The following PRKG1 variants were observed in gnomAD, a reference collection of about 807,000 sequenced individuals.
The protein encoded by PRKG1 is cGMP-dependent protein kinase 1.
In PRKG1, 35 loss-of-function variants were observed where a neutral mutation model predicts 88.1. The observed-to-expected ratio is 0.40, with a 90% CI of 0.30 to 0.53. The LOEUF (loss-of-function observed/expected upper bound fraction) is 0.53. Ranked by LOEUF, PRKG1 falls within the 20% of genes least tolerant of loss-of-function variation. The probability of loss-of-function intolerance (pLI) is 0.59; values close to 1 mark genes in which losing one functional copy is unlikely to be tolerated. For missense variants in PRKG1, 540 were observed against 839.8 expected (o/e 0.64, Z 4.41); for synonymous variants, 303 against 292.5 (o/e 1.04, Z -0.37).
At chr10:51,046,547 C>A (rs938187183) in intron 1 of PRKG1, among the ~76,000 whole-genome samples, 6 of 152,158 alleles carry the variant, frequency 3.9e-5, no homozygotes, top group African/African-American at 7.2e-5. Context: ...AACGATTTTT[C>A]CTTTGGCATT....
rs115242289 is a variant in PRKG1 at position 51,469,912 on chromosome 10, C to T, written c.592+2076C>T. The stretch of plus-strand genomic sequence containing the variant: ...GCATGAATCAGAAACAATATCTGTG[C>T]GCAACTGTTTCTTCCAAATGTTTCA... On this transcript the variant is annotated intron_variant, in intron 3 of 17. Coordinates refer to ENST00000373980, the MANE Select transcript of PRKG1 (RefSeq NM_006258.4). 5.2e-3 allele frequency among the ~76,000 whole-genome samples: 792 copies of T among 151,966 alleles called. 3 individuals carry two copies. The highest frequency in any genetic ancestry group is 0.017 in the African/African-American group (723 of 41,518).
At chr10:51,793,621 A>G (rs1246996381) in intron 3 of PRKG1, among the ~76,000 whole-genome samples, 1 of 152,150 alleles carries the variant, frequency 6.6e-6, no homozygotes, top group East Asian at 1.9e-4. Flanking sequence ...AAAGACAAAG[A>G]GAGGAAAGCA....
At chr10:52,291,082 C>T (rs1180568374) in intron 17 of PRKG1, among the ~76,000 whole-genome samples, 1 of 151,340 alleles carries the variant, frequency 6.6e-6, no homozygotes, top group Non-Finnish European at 1.5e-5. Flanking sequence ...GCCACCACTC[C>T]CAGCTAATTT....
intron 3 of PRKG1, among the ~76,000 whole-genome samples, chr10:51,735,854 CATAT>C (rs146700314): frequency 1.2e-3 from 137 of 114,190 alleles, no homozygotes; most frequent in Non-Finnish European, 1.6e-3. Flanking sequence ...GGCCTGACTG[CATAT>C]ATATATATAT....
chr10:51,478,688 A>G (rs1057238359), intron 3 of PRKG1, among the ~76,000 whole-genome samples: 1 of 151,920 alleles, frequency 6.6e-6, no homozygotes, highest in Non-Finnish European at 1.5e-5. Flanking sequence ...TCTGACACAC[A>G]ACCAATAAAA....
intron 2 of PRKG1, among the ~76,000 whole-genome samples, chr10:51,281,604 C>G (rs1379083062): frequency 6.6e-6 from 1 of 152,190 alleles, no homozygotes; most frequent in African/African-American, 2.4e-5. Context: ...GCCTGCCTTC[C>G]TCTGTAGACT....
At chr10:51,790,666 A>C (rs1160393466) in intron 3 of PRKG1, among the ~76,000 whole-genome samples, 1 of 152,184 alleles carries the variant, frequency 6.6e-6, no homozygotes, top group African/African-American at 2.4e-5. Flanking sequence ...TATTAAAGTC[A>C]ACACGTGGTA....
intron 3 of PRKG1, among the ~76,000 whole-genome samples, chr10:51,637,600 G>T (rs1380812276): frequency 6.6e-6 from 1 of 152,186 alleles, no homozygotes; most frequent in Non-Finnish European, 1.5e-5. Flanking sequence ...TAAAAGGAAC[G>T]AGATTATGTC....
chr10:51,238,231 G>A (rs1472519705), intron 2 of PRKG1, among the ~76,000 whole-genome samples: 2 of 152,082 alleles, frequency 1.3e-5, no homozygotes, highest in East Asian at 3.9e-4. Flanking sequence ...ATGTTGGTGG[G>A]CATCGAACTT....
intron 1 of PRKG1, among the ~76,000 whole-genome samples, chr10:51,101,930 C>T (rs1159341618): frequency 2.6e-5 from 4 of 152,210 alleles, no homozygotes; most frequent in African/African-American, 9.6e-5. Flanking sequence ...CTCAGATCCC[C>T]TCCCTGGCTT....
chr10:51,808,573 A>C (rs917883043), intron 4 of PRKG1, among the ~76,000 whole-genome samples: 4 of 152,168 alleles, frequency 2.6e-5, no homozygotes, highest in African/African-American at 9.7e-5. Context: ...ACTGCCCTCC[A>C]GTCTGGGCAA....
intron 8 of PRKG1, among the ~76,000 whole-genome samples, chr10:52,160,526 T>C (rs900775935): frequency 1.3e-5 from 2 of 151,970 alleles, no homozygotes; most frequent in African/African-American, 4.8e-5. Context: ...AGCATTCTGG[T>C]TACCATGCAC....
intron 3 of PRKG1, among the ~76,000 whole-genome samples, chr10:51,533,822 A>C (rs971288885): frequency 6.6e-6 from 1 of 152,206 alleles, no homozygotes; most frequent in African/African-American, 2.4e-5. Flanking sequence ...AAACCTGTAA[A>C]TTATTGCTGG....
rs113887295 is a variant in PRKG1, at chr10:51,720,344, T to C, written c.593-84241T>C. Among the ~76,000 whole-genome samples, 448 of 152,270 alleles carry C rather than the reference T, an allele frequency of 2.9e-3. 4 individuals carry two copies. Among genetic ancestry groups the C allele is most frequent in the African/African-American group, 0.01 (430 of 41,534 alleles). ...TCCAATTCTGAGTCATTTCAGATCCTGGAAGGGTTATTTTCACCTCTTAAA... is the reference window on the plus strand; with the variant it reads ...TCCAATTCTGAGTCATTTCAGATCCCGGAAGGGTTATTTTCACCTCTTAAA... On this transcript the variant is annotated intron_variant, in intron 3 of 17. Transcript: ENST00000373980.
intron 3 of PRKG1, among the ~76,000 whole-genome samples, chr10:51,610,878 C>G (rs1307599639): frequency 6.6e-6 from 1 of 151,972 alleles, no homozygotes; most frequent in African/African-American, 2.4e-5. Flanking sequence ...ACAACACACA[C>G]TGGGGCCTAT....
At chr10:52,058,112 A>G (rs1426322143) in intron 6 of PRKG1, among the ~76,000 whole-genome samples, 1 of 152,032 alleles carries the variant, frequency 6.6e-6, no homozygotes, top group Admixed American at 6.6e-5. Context: ...GGCATTATTC[A>G]GTTCATTTTT....
intron 3 of PRKG1, among the ~76,000 whole-genome samples, chr10:51,523,760 T>C (rs1841798722): frequency 6.6e-6 from 1 of 152,218 alleles, no homozygotes; most frequent in African/African-American, 2.4e-5. Flanking sequence ...TGTTATTAGC[T>C]CAAAGCATTA....
At chr10:51,588,188 C>G (rs74670358) in intron 3 of PRKG1, among the ~76,000 whole-genome samples, 11,219 of 152,212 alleles carry the variant, frequency 0.074, 1,382 homozygotes, top group African/African-American at 0.25. Context: ...TAGCCATTGC[C>G]CCAGGCATTG....
At chr10:52,061,095 C>T (rs1846224920) in intron 6 of PRKG1, among the ~76,000 whole-genome samples, 2 of 151,928 alleles carry the variant, frequency 1.3e-5, no homozygotes, top group Admixed American at 1.3e-4. Context: ...CTATAAAAGC[C>T]TCTTCAGCAT....
Sources: allele counts gnomAD v4.1 joint callset (sites outside exome capture counted in the v4.1 genomes callset), GRCh38; gene constraint gnomAD v4.1.1; transcripts MANE v1.5; gene names NCBI Gene and HGNC (gene_info 2026-07-23, HGNC 2026-07-21).